Variants in CCDC7 observed in about 807,000 individuals in gnomAD.
CCDC7 encodes coiled-coil domain-containing protein 7.
CCDC7 carries 183 observed loss-of-function variants against 196.9 expected under a neutral mutation model. The observed-to-expected ratio is 0.93, with a 90% CI of 0.82 to 1.05. The LOEUF is 1.05. CCDC7 is among the 50% of genes least tolerant of loss of function. CCDC7 has a pLI of 0.00. For synonymous variants in CCDC7, 525 were observed against 484.6 expected (o/e 1.08, Z -1.10); for missense variants, 1,540 against 1,482.2 (o/e 1.04, Z -0.64).
chr10:32,725,333 T>C (rs1167281308), intron 25 of CCDC7: 1 of 470,778 alleles, frequency 2.1e-6, no homozygotes, highest in Non-Finnish European at 4.4e-6. Context: ...CTAAAAGAAT[T>C]TCATGATTTC....
intron 8 of CCDC7, among the ~76,000 whole-genome samples, chr10:32,481,419 A>T (rs2039942938): frequency 6.6e-6 from 1 of 151,842 alleles, no homozygotes. Flanking sequence ...TGATTTGTTG[A>T]TATACTTTTA....
At chr10:32,620,889 C>CA (rs1232073850) in intron 18 of CCDC7, among the ~76,000 whole-genome samples, 1 of 152,144 alleles carries the variant, frequency 6.6e-6, no homozygotes, top group Admixed American at 6.5e-5. Flanking sequence ...ATATGGTATG[C>CA]AGAGTTTTAG....
chr10:32,841,024 T>C (rs11527661), intron 33 of CCDC7, among the ~76,000 whole-genome samples: 13,734 of 152,060 alleles, frequency 0.09, 880 homozygotes, highest in East Asian at 0.33. Flanking sequence ...AAGCTATCTA[T>C]GACAAACCAA....
intron 30 of CCDC7, among the ~76,000 whole-genome samples, chr10:32,813,199 C>T (rs1264351841): frequency 6.6e-6 from 1 of 152,168 alleles, no homozygotes; most frequent in African/African-American, 2.4e-5. Flanking sequence ...CAATTCTACC[C>T]ACAGAATCTT....
chr10:32,816,837 C>T (rs1481606719), intron 31 of CCDC7, among the ~76,000 whole-genome samples: 1 of 152,126 alleles, frequency 6.6e-6, no homozygotes, highest in Non-Finnish European at 1.5e-5. Context: ...CCCATCTATG[C>T]ATCACCATCA....
chr10:32,540,942 A>T (rs573592527), intron 11 of CCDC7, among the ~76,000 whole-genome samples: 3 of 152,202 alleles, frequency 2.0e-5, no homozygotes, highest in Admixed American at 2.0e-4. Context: ...GTAAGTGTTC[A>T]TCAATGATAT....
intron 29 of CCDC7, among the ~76,000 whole-genome samples, chr10:32,790,856 C>A (rs2082582407): frequency 6.6e-6 from 1 of 152,154 alleles, no homozygotes; most frequent in African/African-American, 2.4e-5. Flanking sequence ...CTGGATACTT[C>A]AGTAGTTTTG....
chr10:32,806,804 A>C (rs2085943769), intron 30 of CCDC7, among the ~76,000 whole-genome samples: 1 of 152,162 alleles, frequency 6.6e-6, no homozygotes, highest in Non-Finnish European at 1.5e-5. Flanking sequence ...GAATAAACAC[A>C]AGGGAATCTA....
chr10:32,797,685 A>T (rs1039488957), intron 29 of CCDC7, among the ~76,000 whole-genome samples: 4 of 152,202 alleles, frequency 2.6e-5, no homozygotes, highest in Non-Finnish European at 4.4e-5. Context: ...AAAAATAAAT[A>T]AAAAATAAAA....
intron 21 of CCDC7, among the ~76,000 whole-genome samples, chr10:32,668,863 C>G (rs990846627): frequency 2.6e-4 from 40 of 152,196 alleles, no homozygotes; most frequent in Non-Finnish European, 3.8e-4. Context: ...TTTACTTCCC[C>G]CATCCAATTT....
At chr10:32,710,399 A>C (rs969815262) in intron 24 of CCDC7, among the ~76,000 whole-genome samples, 1 of 152,206 alleles carries the variant, frequency 6.6e-6, no homozygotes, top group African/African-American at 2.4e-5. Context: ...GAAAACTTTC[A>C]GTCTCATCTG....
intron 20 of CCDC7, among the ~76,000 whole-genome samples, chr10:32,644,066 T>A (rs1363992101): frequency 6.6e-6 from 1 of 152,132 alleles, no homozygotes; most frequent in Non-Finnish European, 1.5e-5. Context: ...TTTAAGATTT[T>A]AATTTATAAT....
intron 28 of CCDC7, among the ~76,000 whole-genome samples, chr10:32,746,630 T>C (rs2074787642): frequency 6.6e-6 from 1 of 152,180 alleles, no homozygotes; most frequent in Non-Finnish European, 1.5e-5. Flanking sequence ...CCTGCCTGGC[T>C]ATGTCTACTT....
chr10:32,769,762 G>A (rs565043684), intron 28 of CCDC7, among the ~76,000 whole-genome samples: 2 of 152,014 alleles, frequency 1.3e-5, no homozygotes, highest in South Asian at 4.2e-4. Flanking sequence ...TTAGTTTGCT[G>A]AGAATGGTGG....
intron 18 of CCDC7, among the ~76,000 whole-genome samples, chr10:32,593,725 A>G (rs1263459743): frequency 3.9e-5 from 6 of 152,266 alleles, no homozygotes; most frequent in South Asian, 4.1e-4. Context: ...TGATTTTTGT[A>G]TAAGGTGTAA....
chr10:32,819,551 G>A (rs887287793), intron 31 of CCDC7, among the ~76,000 whole-genome samples: 9 of 152,012 alleles, frequency 5.9e-5, no homozygotes, highest in South Asian at 2.1e-4. Flanking sequence ...CATGAACATC[G>A]ATGCAAAAAT....
At chr10:32,593,077 C>G (rs141887887) in intron 18 of CCDC7, among the ~76,000 whole-genome samples, 7,830 of 152,208 alleles carry the variant, frequency 0.051, 664 homozygotes, top group African/African-American at 0.18. Context: ...AATGGGATGG[C>G]TGGATCAAAT....
Position 32,867,130 on chromosome 10 carries a change from T to C in CCDC7, c.4112-9217T>C, listed in dbSNP as rs148252355. 6.0e-4 allele frequency among the ~76,000 whole-genome samples: 91 copies of C among 151,812 alleles called. 2 individuals are homozygous for C. In the East Asian group the frequency reaches 0.014, roughly 24 times the overall value. Reference sequence around the variant, plus strand: ...AACCCACAAATTTAGTGCATGGTCCTAGATTCAATCTTAGTCCAAAAAAAT... The same window carrying C: ...AACCCACAAATTTAGTGCATGGTCCCAGATTCAATCTTAGTCCAAAAAAAT... On this transcript the variant is annotated intron_variant, in intron 41 of 41. Transcript: ENST00000639629.
At chr10:32,561,537 C>A (rs1417616577) in intron 13 of CCDC7, among the ~76,000 whole-genome samples, 18 of 152,190 alleles carry the variant, frequency 1.2e-4, no homozygotes, top group Non-Finnish European at 2.5e-4. Flanking sequence ...GAACAACCTG[C>A]TCCTGAATGA....
Sources: gnomAD v4.1 joint callset for allele counts (sites outside exome capture counted in the v4.1 genomes callset) on GRCh38, gnomAD v4.1.1 for gene constraint, MANE v1.5 for transcripts, NCBI Gene and HGNC (gene_info 2026-07-23, HGNC 2026-07-21) for gene names.